Variants in MTBP observed in about 807,000 individuals in gnomAD.
MTBP encodes the protein mdm2-binding protein.
Under a neutral mutation model 117.0 loss-of-function variants are expected in MTBP, and 101 were observed. That is an observed-to-expected ratio of 0.86 (90% CI 0.73 to 1.02). The LOEUF is 1.02. MTBP is among the 50% of genes least tolerant of loss of function. MTBP has a pLI of 0.00. For synonymous variants in MTBP, 350 were observed against 351.5 expected (o/e 1.00, Z 0.05); for missense variants, 970 against 1,030.9 (o/e 0.94, Z 0.81).
Position 120,456,630 on chromosome 8 carries a change from A to G in MTBP, c.707A>G (p.Lys236Arg), listed in dbSNP as rs750369375. 5.6e-6 allele frequency: 9 copies of G among 1,601,002 alleles called. No individual in the cohort carries two copies. Among genetic ancestry groups the G allele is most frequent in the Middle Eastern group, 1.7e-4 (1 of 6,020 alleles). The stretch of plus-strand genomic sequence containing the variant: ...GATCTCAGAAATGTTATTGACTCAA[A>G]GGAATTATGGAGGGGGAAAATACAG... ...LEDLRNVIDS[K>R]ELWRGKIQIW... is the part of the protein sequence containing the mutation. The change falls in exon 7 of 22, where the codon AAG becomes AGG. Residue 236 changes from lysine to arginine, a missense_variant. Transcript: ENST00000305949.
intron 11 of MTBP, among the ~76,000 whole-genome samples, chr8:120,477,093 C>T (rs138450449): frequency 0.018 from 2,672 of 152,126 alleles, 78 homozygotes; most frequent in African/African-American, 0.061. Flanking sequence ...TCAGAAATAA[C>T]GCCACACATC....
intron 11 of MTBP, among the ~76,000 whole-genome samples, chr8:120,478,227 G>T (rs1020956648): frequency 1.3e-5 from 2 of 152,064 alleles, no homozygotes; most frequent in Non-Finnish European, 2.9e-5. Context: ...CACAGGGAGG[G>T]GAACATCACA....
chr8:120,468,839 G>A (rs1586946892), intron 10 of MTBP, among the ~76,000 whole-genome samples: 1 of 152,100 alleles, frequency 6.6e-6, no homozygotes, highest in Admixed American at 6.6e-5. Flanking sequence ...TTTAGTGCAA[G>A]TTTGGCTTTG....
At chr8:120,514,750 G>GA (rs1814886680) in intron 17 of MTBP, among the ~76,000 whole-genome samples, 2 of 151,984 alleles carry the variant, frequency 1.3e-5, no homozygotes, top group South Asian at 4.1e-4. Flanking sequence ...TACATTTCTT[G>GA]ACTGCCCTGT....
At chr8:120,514,136 C>T (rs748763900) in intron 17 of MTBP, among the ~76,000 whole-genome samples, 3 of 151,664 alleles carry the variant, frequency 2.0e-5, no homozygotes, top group Non-Finnish European at 3.0e-5. Context: ...TTTTGATGTA[C>T]GTATGTATAG....
intron 4 of MTBP, chr8:120,452,518 A>T (rs1312863722): frequency 6.6e-6 from 1 of 152,096 alleles, no homozygotes; most frequent in African/African-American, 2.4e-5. Flanking sequence ...ATCATCCCAT[A>T]TGTTTTCCTA....
chr8:120,445,598 G>A lies in MTBP; in HGVS notation c.118+10G>A, dbSNP rs1267237777. 1 of 1,595,132 alleles carries A rather than the reference G, an allele frequency of 6.3e-7. No individual in the cohort carries two copies. Among genetic ancestry groups the A allele is most frequent in the Non-Finnish European group, 8.5e-7 (1 of 1,171,214 alleles). ...ACTGAGAATCAGCCGGGTAAGCGCT[G>A]GGATGAGAAAGAGCGGGAACGGCTT... On this transcript the variant is annotated intron_variant, in intron 1 of 21. Coordinates refer to ENST00000305949, the MANE Select transcript of MTBP (RefSeq NM_022045.5).
Position 120,514,535 on chromosome 8 carries a change from G to A in MTBP, c.1980-1390G>A, listed in dbSNP as rs144785260. Among the ~76,000 whole-genome samples the A allele has an allele frequency of 4.4e-4, 67 of 152,102 alleles. 1 individual carries two copies. Among genetic ancestry groups the A allele is most frequent in the African/African-American group, 1.5e-3 (63 of 41,536 alleles). On this transcript the variant is annotated intron_variant, in intron 17 of 21. Coordinates refer to ENST00000305949, the MANE Select transcript of MTBP (RefSeq NM_022045.5). ...AGTATTTCTTGAAAGCTCTTCAGAT[G>A]GTTCTAATGCTCAGCCATGTGTTGA...
Position 120,500,600 on chromosome 8 carries a change from C to G in MTBP, c.1610-1892C>G, listed in dbSNP as rs922810563. On this transcript the variant is annotated intron_variant, in intron 14 of 21. Coordinates refer to ENST00000305949, the MANE Select transcript of MTBP (RefSeq NM_022045.5). The stretch of plus-strand genomic sequence containing the variant: ...TACTTTTTAAAATAGCATTTCACCA[C>G]CTTTACTAAAAAATGTGAAGTGTTG... Among the ~76,000 whole-genome samples, 9 of 152,114 alleles carry G rather than the reference C, an allele frequency of 5.9e-5. 1 individual carries two copies. Among genetic ancestry groups the G allele is most frequent in the African/African-American group, 2.2e-4 (9 of 41,420 alleles).
At chr8:120,460,023 T>A (rs1417796610) in intron 8 of MTBP, among the ~76,000 whole-genome samples, 1 of 152,118 alleles carries the variant, frequency 6.6e-6, no homozygotes, top group Non-Finnish European at 1.5e-5. Context: ...AGAATTCACT[T>A]TAAAAGAACT....
At chr8:120,500,637 TTAGA>T (rs1396704606) in intron 14 of MTBP, among the ~76,000 whole-genome samples, 1 of 152,228 alleles carries the variant, frequency 6.6e-6, no homozygotes, top group Non-Finnish European at 1.5e-5. Flanking sequence ...ATTTGGATGG[TTAGA>T]TAGGGCAGTT....
chr8:120,496,250 C>T (rs1814454957), intron 13 of MTBP, among the ~76,000 whole-genome samples: 2 of 152,180 alleles, frequency 1.3e-5, no homozygotes, highest in South Asian at 2.1e-4. Flanking sequence ...TCATGACTAG[C>T]TCAGTGAGTG....
At position 120,450,965 on chromosome 8, in the gene MTBP, G is replaced by T. The variant is rs758489638; in HGVS notation, c.200-38G>T. 23 of 1,451,500 alleles carry T rather than the reference G, an allele frequency of 1.6e-5. No individual in the cohort carries two copies. The African/African-American group carries it at 3.1e-4, about 20-fold the overall frequency. 89.9% of individuals were successfully genotyped at this position (1,451,500 alleles called of 1,614,324 possible). A position where few individuals can be genotyped will look rare whatever the true frequency, so the allele number is the denominator to read the frequency against. On this transcript the variant is annotated intron_variant, in intron 2 of 21. Transcript: ENST00000305949. ...ATGCTGTGTCATCTGCTTATTTATGGTATGCCTTTTTAATAATAATGTGGT... is the reference window on the plus strand; with the variant it reads ...ATGCTGTGTCATCTGCTTATTTATGTTATGCCTTTTTAATAATAATGTGGT...
At chr8:120,458,239 CA>C (rs887616167) in intron 7 of MTBP, among the ~76,000 whole-genome samples, 3 of 152,156 alleles carry the variant, frequency 2.0e-5, no homozygotes, top group African/African-American at 7.2e-5. Flanking sequence ...ATATTGCCTA[CA>C]ATCAAATCCC....
intron 15 of MTBP, 75 bp from the exon 16 acceptor site, chr8:120,506,631 T>A: frequency 1.1e-6 from 1 of 917,062 alleles, no homozygotes; most frequent in Non-Finnish European, 1.5e-6. Context: ...GACTGTGCTT[T>A]TTTTTTTTTT....
intron 13 of MTBP, among the ~76,000 whole-genome samples, chr8:120,491,515 G>A (rs1408623759): frequency 1.3e-5 from 2 of 152,074 alleles, no homozygotes; most frequent in African/African-American, 2.4e-5. Context: ...GGTGTAATTA[G>A]AAAGGCAAAT....
chr8:120,507,742 TGA>T (rs1814717425), intron 16 of MTBP, among the ~76,000 whole-genome samples: 1 of 152,158 alleles, frequency 6.6e-6, no homozygotes, highest in Admixed American at 6.5e-5. Context: ...ACTGAAAATT[TGA>T]GAGTCTTAAT....
chr8:120,502,710 T>A, intron 15 of MTBP, 101 bp downstream of exon 15: 1 of 709,752 alleles, frequency 1.4e-6, no homozygotes, highest in Non-Finnish European at 2.2e-6. Context: ...CAGTTTATTG[T>A]TTTATTATAA....
In MTBP at chr8:120,516,032, T is replaced by G. The variant is rs749563778; in HGVS notation, c.2087T>G (p.Phe696Cys). The change falls in exon 18 of 22, where the codon TTT (phenylalanine) becomes TGT (cysteine). Residue 696 changes from phenylalanine (F) to cysteine (C), a missense_variant. Phe to Cys is a radical substitution (Grantham distance 205). Transcript: ENST00000305949. ...ETQTTCTRES[F>C]PVPTVLSPLP... Reference sequence around the variant, plus strand: ...CAAACTACCTGCACCAGAGAAAGTTTTCCAGTACCTACTGTGTTGAGCCCT... The same window carrying G: ...CAAACTACCTGCACCAGAGAAAGTTGTCCAGTACCTACTGTGTTGAGCCCT... 14 of 1,613,070 alleles carry G rather than the reference T, an allele frequency of 8.7e-6. No homozygotes were observed. Among genetic ancestry groups the G allele is most frequent in the Admixed American group, 8.3e-5 (5 of 59,920 alleles).
Sources: gnomAD v4.1 joint callset for allele counts (sites outside exome capture counted in the v4.1 genomes callset) on GRCh38, gnomAD v4.1.1 for gene constraint, MANE v1.5 for transcripts, NCBI Gene and HGNC (gene_info 2026-07-23, HGNC 2026-07-21) for gene names.